RBFOX2: variants seen among roughly 807,000 people sequenced by gnomAD.
RBFOX2 encodes the protein RNA binding fox-1 homolog 2, also known as RNA binding protein fox-1 homolog 2.
A neutral mutation model predicts 49.1 loss-of-function variants in RBFOX2; 10 were observed. The ratio of observed to expected loss-of-function variants is 0.20; its 90% CI spans 0.13 to 0.35. RBFOX2 has a LOEUF of 0.35. Ranked by LOEUF, RBFOX2 falls within the 10% of genes least tolerant of loss-of-function variation. RBFOX2 has a pLI of 1.00. For synonymous variants in RBFOX2, 183 were observed against 187.4 expected (o/e 0.98, Z 0.19); for missense variants, 323 against 486.9 (o/e 0.66, Z 3.17).
At chr22:35,933,926 T>TTATATATAGA (rs1556421198) in intron 1 of RBFOX2, among the ~76,000 whole-genome samples, 2 of 118,020 alleles carry the variant, frequency 1.7e-5, no homozygotes, top group Non-Finnish European at 3.3e-5. Context: ...TAATTAAATG[T>TTATATATAGA]TATATATATA....
chr22:35,825,426 GAAA>G (rs755318749), intron 1 of RBFOX2, among the ~76,000 whole-genome samples: 1 of 104,032 alleles, frequency 9.6e-6, no homozygotes. Flanking sequence ...TTGACTAAGT[GAAA>G]AAAAAAAAAA....
chr22:35,767,557 C>G (rs573049554), intron 5 of RBFOX2, among the ~76,000 whole-genome samples: 1 of 152,278 alleles, frequency 6.6e-6, no homozygotes, highest in East Asian at 1.9e-4. Context: ...AGCCAGTTAA[C>G]CTTCGATGTG....
chr22:35,761,099 A>G (rs1938646308), intron 8 of RBFOX2, 103 bp downstream of exon 9: 1 of 991,446 alleles, frequency 1.0e-6, no homozygotes, highest in Admixed American at 2.4e-5. Context: ...CTCTCAAGAA[A>G]TTTCCATTTC....
intron 9 of RBFOX2, among the ~76,000 whole-genome samples, chr22:35,753,440 TA>T (rs1185599002): frequency 1.3e-5 from 2 of 152,238 alleles, no homozygotes; most frequent in African/African-American, 4.8e-5. Flanking sequence ...GGGGCATGGA[TA>T]TTATTTCAGC....
upstream of RBFOX2, among the ~76,000 whole-genome samples, chr22:35,843,145 T>A (rs2040721634): frequency 1.3e-5 from 2 of 152,182 alleles, no homozygotes; most frequent in African/African-American, 4.8e-5. Flanking sequence ...GCAGCCTGGG[T>A]CTGACCCAGC....
At chr22:35,951,231 G>A (rs1296295511) in intron 1 of RBFOX2, among the ~76,000 whole-genome samples, 7 of 137,746 alleles carry the variant, frequency 5.1e-5, no homozygotes, top group South Asian at 2.3e-4. Flanking sequence ...TGGGATTACC[G>A]CACCCGGCCC....
At chr22:35,831,252 G>A (rs1448363408) in intron 1 of RBFOX2, among the ~76,000 whole-genome samples, 1 of 152,112 alleles carries the variant, frequency 6.6e-6, no homozygotes, top group Non-Finnish European at 1.5e-5. Context: ...GACCATCCTG[G>A]CTAACATGGT....
At chr22:35,852,070 A>C (rs1569389770) in intron 1 of RBFOX2, among the ~76,000 whole-genome samples, 1 of 152,054 alleles carries the variant, frequency 6.6e-6, no homozygotes, top group Non-Finnish European at 1.5e-5. Context: ...AATAAAAAAA[A>C]CCCAATACTG....
chr22:35,840,468 G>C (rs1007567395), exon 1 of RBFOX2: 1 of 1,402,268 alleles, frequency 7.1e-7, no homozygotes, highest in Non-Finnish European at 9.2e-7. Flanking sequence ...GCTGAAGGAA[G>C]CCCCACCCCT....
At chr22:35,926,184 A>G (rs2051614672) in intron 1 of RBFOX2, among the ~76,000 whole-genome samples, 1 of 152,208 alleles carries the variant, frequency 6.6e-6, no homozygotes, top group Non-Finnish European at 1.5e-5. Context: ...CACTGAATAA[A>G]TATGTCAAGC....
At chr22:35,895,067 T>C (rs1307509611) in intron 1 of RBFOX2, among the ~76,000 whole-genome samples, 1 of 150,710 alleles carries the variant, frequency 6.6e-6, no homozygotes, top group African/African-American at 2.4e-5. Flanking sequence ...TCACCCTCCC[T>C]CCGTCCCTCC....
intron 1 of RBFOX2, among the ~76,000 whole-genome samples, chr22:36,022,235 G>C (rs748225116): frequency 6.6e-6 from 1 of 152,214 alleles, no homozygotes; most frequent in Non-Finnish European, 1.5e-5. Context: ...CAACATTCTT[G>C]TTTATACAAA....
upstream of RBFOX2, among the ~76,000 whole-genome samples, chr22:35,844,444 G>A (rs1314606533): frequency 1.3e-5 from 2 of 152,054 alleles, no homozygotes; most frequent in Non-Finnish European, 2.9e-5. Context: ...TATTATAAAA[G>A]CATTCTTTCT....
At chr22:36,011,568 C>T (rs1020102444) in intron 1 of RBFOX2, among the ~76,000 whole-genome samples, 2 of 152,072 alleles carry the variant, frequency 1.3e-5, no homozygotes, top group African/African-American at 4.8e-5. Flanking sequence ...AGTACGCATA[C>T]TGTCAATGGA....
chr22:35,772,601 G>A (rs1339294812), intron 4 of RBFOX2, among the ~76,000 whole-genome samples: 1 of 152,100 alleles, frequency 6.6e-6, no homozygotes, highest in African/African-American at 2.4e-5. Context: ...TAAGTTTGCA[G>A]TCCTCAGAGC....
intron 1 of RBFOX2, among the ~76,000 whole-genome samples, chr22:35,820,825 T>C (rs1954287806): frequency 6.6e-6 from 1 of 152,130 alleles, no homozygotes; most frequent in South Asian, 2.1e-4. Context: ...ACAAAGGTGA[T>C]ATGAGGTAGG....
At chr22:35,928,903 T>C (rs1008287841) in intron 1 of RBFOX2, among the ~76,000 whole-genome samples, 4 of 152,074 alleles carry the variant, frequency 2.6e-5, no homozygotes, top group African/African-American at 4.8e-5. Flanking sequence ...CATACACTCA[T>C]TATAACAAAA....
chr22:35,963,059 C>CAAAAAAA (rs34027896), upstream of RBFOX2, among the ~76,000 whole-genome samples: 16 of 33,588 alleles, frequency 4.8e-4, no homozygotes, highest in African/African-American at 1.7e-3. Context: ...AACTCTCCAG[C>CAAAAAAA]AAAAAAAAAA....
chr22:35,814,733 A>AG (rs1465299351), intron 1 of RBFOX2, among the ~76,000 whole-genome samples: 8 of 141,378 alleles, frequency 5.7e-5, no homozygotes, highest in Non-Finnish European at 1.1e-4. Context: ...AAAAAAAAAA[A>AG]AAAGAAAAGA....
Sources: allele counts gnomAD v4.1 joint callset (sites outside exome capture counted in the v4.1 genomes callset), GRCh38; gene constraint gnomAD v4.1.1; transcripts MANE v1.5; gene names NCBI Gene and HGNC (gene_info 2026-07-23, HGNC 2026-07-21).